The following TFPI variants were observed in gnomAD, a reference collection of about 807,000 sequenced individuals.
TFPI encodes tissue factor pathway inhibitor.
In TFPI, 15 loss-of-function variants were observed where a neutral mutation model predicts 34.6. The ratio of observed to expected loss-of-function variants is 0.43; its 90% CI spans 0.29 to 0.67. The LOEUF (loss-of-function observed/expected upper bound fraction) is 0.67. Among genes scored for constraint, TFPI ranks in the 30% least tolerant of loss-of-function variants. The probability of loss-of-function intolerance (pLI) is 0.15; values close to 1 mark genes in which losing one functional copy is unlikely to be tolerated. For missense variants in TFPI, 301 were observed against 364.0 expected (o/e 0.83, Z 1.41); for synonymous variants, 105 against 120.1 (o/e 0.87, Z 0.82).
chr2:187,468,834 C>CA (rs1283275362), intron 6 of TFPI, among the ~76,000 whole-genome samples: 1 of 152,000 alleles, frequency 6.6e-6, no homozygotes, highest in East Asian at 1.9e-4. Context: ...ACCAGTACTA[C>CA]AGGTAAGTTG....
At chr2:187,529,781 C>G (rs996608952) in intron 1 of TFPI, among the ~76,000 whole-genome samples, 1 of 152,172 alleles carries the variant, frequency 6.6e-6, no homozygotes, top group African/African-American at 2.4e-5. Context: ...GAAGATACAT[C>G]AGCCCTAGAG....
chr2:187,523,678 G>A (rs1373630741), intron 1 of TFPI, among the ~76,000 whole-genome samples: 3 of 150,990 alleles, frequency 2.0e-5, no homozygotes, highest in African/African-American at 7.3e-5. Flanking sequence ...CAGAATAGTT[G>A]TAGTATCATA....
intron 1 of TFPI, chr2:187,516,648 T>C (rs955581176): frequency 3.3e-5 from 5 of 152,170 alleles, no homozygotes; most frequent in African/African-American, 1.2e-4. Context: ...TATTGTCTTA[T>C]GCCCATTTCT....
chr2:187,520,152 G>A (rs12473704), intron 1 of TFPI, among the ~76,000 whole-genome samples: 30,192 of 152,022 alleles, frequency 0.2, 3,374 homozygotes, highest in East Asian at 0.31. Context: ...TTCCAGGGGA[G>A]TGAACAGATC....
intron 2 of TFPI, among the ~76,000 whole-genome samples, chr2:187,501,160 CAT>C (rs1314611041): frequency 1.3e-5 from 2 of 152,088 alleles, no homozygotes; most frequent in Admixed American, 6.6e-5. Flanking sequence ...AAGCAAAACA[CAT>C]AGAGGGCAAT....
chr2:187,471,376 AT>A (rs1393708444), intron 6 of TFPI, among the ~76,000 whole-genome samples: 1 of 152,116 alleles, frequency 6.6e-6, no homozygotes, highest in Non-Finnish European at 1.5e-5. Flanking sequence ...CAAATAGCAA[AT>A]TTATTCTACA....
intron 5 of TFPI, 48 bp downstream of exon 5, chr2:187,484,762 TA>T: frequency 6.6e-7 from 1 of 1,524,054 alleles, no homozygotes; most frequent in Non-Finnish European, 8.8e-7. Flanking sequence ...GCCTTAGTTT[TA>T]AAAGGATGCC....
At chr2:187,484,662 T>C (rs565327749) in intron 5 of TFPI, 149 bp downstream of exon 5, 32 of 623,156 alleles carry the variant, frequency 5.1e-5, no homozygotes, top group African/African-American at 5.1e-4. Flanking sequence ...TTTAAAAAAC[T>C]ACAGTCACAA....
chr2:187,468,292 T>C (rs558357992), intron 6 of TFPI, among the ~76,000 whole-genome samples: 91 of 136,052 alleles, frequency 6.7e-4, no homozygotes, highest in African/African-American at 2.1e-3. Context: ...CACACACACA[T>C]CACACATATA....
intron 6 of TFPI, among the ~76,000 whole-genome samples, chr2:187,481,954 C>T (rs1692897770): frequency 6.6e-6 from 1 of 151,486 alleles, no homozygotes; most frequent in Non-Finnish European, 1.5e-5. Context: ...TTATTTGTTA[C>T]AATTTTCAAT....
intron 6 of TFPI, 42 bp downstream of exon 6, chr2:187,484,082 A>T: frequency 1.3e-6 from 2 of 1,515,900 alleles, no homozygotes; most frequent in Non-Finnish European, 1.8e-6. Flanking sequence ...TGTTAGCATG[A>T]TAATAGTTTC....
intron 3 of TFPI, among the ~76,000 whole-genome samples, chr2:187,496,170 G>T (rs1199002602): frequency 3.9e-5 from 6 of 152,018 alleles, no homozygotes; most frequent in Non-Finnish European, 8.8e-5. Context: ...CATCAGGGAT[G>T]ATTTTTCTTT....
intron 3 of TFPI, among the ~76,000 whole-genome samples, chr2:187,492,516 G>A (rs1685184756): frequency 6.6e-6 from 1 of 152,204 alleles, no homozygotes; most frequent in Non-Finnish European, 1.5e-5. Context: ...TCAAAGAACA[G>A]TTGGCTGTAA....
intron 1 of TFPI, among the ~76,000 whole-genome samples, chr2:187,520,043 G>A (rs1391680218): frequency 6.6e-6 from 1 of 152,132 alleles, no homozygotes; most frequent in African/African-American, 2.4e-5. Context: ...TGCTATGCTA[G>A]CAGCAAGAAT....
At chr2:187,488,552 T>C (rs1482637171) in intron 3 of TFPI, among the ~76,000 whole-genome samples, 177 bp from the exon 4 acceptor site, 1 of 151,424 alleles carries the variant, frequency 6.6e-6, no homozygotes, top group Non-Finnish European at 1.5e-5. Flanking sequence ...CTTTTCTATT[T>C]ATTGTAACCA....
At chr2:187,522,607 G>A (rs575384219) in intron 1 of TFPI, among the ~76,000 whole-genome samples, 1 of 151,712 alleles carries the variant, frequency 6.6e-6, no homozygotes, top group Non-Finnish European at 1.5e-5. Context: ...AAAAAGGCGG[G>A]GTGTGGTGGC....
At chr2:187,533,587 C>T (rs1016781192) in intron 1 of TFPI, among the ~76,000 whole-genome samples, 35 of 152,166 alleles carry the variant, frequency 2.3e-4, no homozygotes, top group Non-Finnish European at 4.0e-4. Context: ...ACGAAAGGTA[C>T]ATAAATCCAG....
intron 1 of TFPI, among the ~76,000 whole-genome samples, chr2:187,510,411 C>T (rs1020954087): frequency 6.6e-6 from 1 of 152,154 alleles, no homozygotes; most frequent in African/African-American, 2.4e-5. Flanking sequence ...GTAAAAGCCC[C>T]TTGTGTTAAA....
chr2:187,497,162 G>T, intron 2 of TFPI, 84 bp from the exon 3 acceptor site: 1 of 1,223,430 alleles, frequency 8.2e-7, no homozygotes, highest in South Asian at 1.5e-5. Flanking sequence ...AATATGTCCT[G>T]ATTTTAAGGA....
Sources: allele counts gnomAD v4.1 joint callset (sites outside exome capture counted in the v4.1 genomes callset), GRCh38; gene constraint gnomAD v4.1.1; transcripts MANE v1.5; gene names NCBI Gene and HGNC (gene_info 2026-07-23, HGNC 2026-07-21).